ZNF385D: variants seen among roughly 807,000 people sequenced by gnomAD.
ZNF385D encodes the protein zinc finger protein 385D, also known as zinc finger protein 659.
Under a neutral mutation model 35.8 loss-of-function variants are expected in ZNF385D, and 15 were observed. That is an observed-to-expected ratio of 0.42 (90% confidence interval 0.28 to 0.64). The LOEUF (loss-of-function observed/expected upper bound fraction) is 0.64, where lower values mean the gene tolerates loss of function less well. Among genes scored for constraint, ZNF385D ranks in the 30% least tolerant of loss-of-function variants. ZNF385D has a pLI of 0.23. For missense variants in ZNF385D, 474 were observed against 494.6 expected (o/e 0.96, Z 0.39); for synonymous variants, 212 against 186.8 (o/e 1.13, Z -1.10).
chr3:21,858,616 C>T (rs1011835475), intron 3 of ZNF385D, among the ~76,000 whole-genome samples: 1 of 151,926 alleles, frequency 6.6e-6, no homozygotes, highest in Non-Finnish European at 1.5e-5. Context: ...GACACTGCAT[C>T]TGCTGGGCCC....
rs59160644 is a variant in ZNF385D at position 22,274,784 on chromosome 3, CTTT to C, written c.106+97663_106+97665del. ...GGCTTGGATTCCAACGAAGTTAGTA[CTTT>C]TTTTTTTTTTTTAAAAGTCTTCTTA... On this transcript the variant is annotated intron_variant, in intron 2 of 5. Transcript: ENST00000494108. 5.1e-3 allele frequency among the ~76,000 whole-genome samples: 750 copies of C among 145,858 alleles called. 6 individuals are homozygous for C. Among genetic ancestry groups the C allele is most frequent in the African/African-American group, 0.015 (610 of 40,328 alleles).
At chr3:21,649,932 G>A (rs2065863001) in intron 2 of ZNF385D, among the ~76,000 whole-genome samples, 1 of 151,996 alleles carries the variant, frequency 6.6e-6, no homozygotes, top group African/African-American at 2.4e-5. Context: ...ATTTATGATT[G>A]CCAGTGTCAG....
chr3:21,824,299 A>G (rs994366996), intron 3 of ZNF385D, among the ~76,000 whole-genome samples: 1 of 152,150 alleles, frequency 6.6e-6, no homozygotes, highest in African/African-American at 2.4e-5. Context: ...TTAAAAGGCT[A>G]TGTAGTAATG....
chr3:21,682,861 G>A (rs2066961727), intron 1 of ZNF385D, among the ~76,000 whole-genome samples: 1 of 149,870 alleles, frequency 6.7e-6, no homozygotes, highest in African/African-American at 2.5e-5. Flanking sequence ...AAACAAATGG[G>A]CATACCTATG....
chr3:21,869,771 T>A, intron 3 of ZNF385D, among the ~76,000 whole-genome samples: 1 of 152,132 alleles, frequency 6.6e-6, no homozygotes, highest in East Asian at 1.9e-4. Flanking sequence ...TCTTATACTA[T>A]AAGACAGAAA....
At chr3:22,266,983 T>G (rs143383072) in intron 2 of ZNF385D, among the ~76,000 whole-genome samples, 33 of 152,042 alleles carry the variant, frequency 2.2e-4, no homozygotes, top group South Asian at 8.3e-4. Flanking sequence ...TTTGATACAA[T>G]ATTCCCAATA....
rs150667085 is a variant in ZNF385D at position 22,069,003 on chromosome 3, T to C, written c.325+99814A>G. On this transcript the variant is annotated intron_variant, in intron 3 of 5. Coordinates refer to the ZNF385D transcript ENST00000494108. ...TCTCCCTTACCCTCAGCTTTAACCT[T>C]GTTTTCATGCTCAGTGTTTTACTGT... 1.8e-4 allele frequency among the ~76,000 whole-genome samples: 28 copies of C among 152,318 alleles called. No individual in the cohort carries two copies. In the East Asian group the frequency reaches 5.2e-3, roughly 28 times the overall value.
chr3:22,086,940 G>C (rs767402429), intron 3 of ZNF385D, among the ~76,000 whole-genome samples: 3 of 152,012 alleles, frequency 2.0e-5, no homozygotes, highest in Non-Finnish European at 2.9e-5. Flanking sequence ...TCGTGGGGTG[G>C]GGGGAGAGGG....
chr3:21,947,665 A>C (rs1701860344), intron 3 of ZNF385D, among the ~76,000 whole-genome samples: 1 of 152,086 alleles, frequency 6.6e-6, no homozygotes, highest in Non-Finnish European at 1.5e-5. Flanking sequence ...TTATTTTTAA[A>C]TTGGTCATTT....
At chr3:21,875,801 T>C (rs1021414619) in intron 3 of ZNF385D, among the ~76,000 whole-genome samples, 3 of 146,286 alleles carry the variant, frequency 2.1e-5, no homozygotes, top group African/African-American at 5.1e-5. Flanking sequence ...ATTCCAGCTC[T>C]ATTTGTACAG....
chr3:21,471,936 T>C (rs898326876), intron 4 of ZNF385D, among the ~76,000 whole-genome samples: 4 of 152,140 alleles, frequency 2.6e-5, no homozygotes, highest in African/African-American at 9.6e-5. Flanking sequence ...GAAAACAAAA[T>C]GCTATGTTTG....
chr3:22,292,649 G>A (rs1280138446), intron 2 of ZNF385D, among the ~76,000 whole-genome samples: 2 of 152,064 alleles, frequency 1.3e-5, no homozygotes, highest in African/African-American at 4.8e-5. Context: ...AATAGATAAG[G>A]GAAGGAATCA....
intron 2 of ZNF385D, among the ~76,000 whole-genome samples, chr3:22,218,890 T>C (rs1698065474): frequency 6.6e-6 from 1 of 152,136 alleles, no homozygotes; most frequent in Non-Finnish European, 1.5e-5. Flanking sequence ...GAGGGCTCAC[T>C]TTTTTCATTA....
Position 21,943,276 on chromosome 3 carries a change from GTGTGTGTGTGTGTGTATAGA to G in ZNF385D, c.325+225521_325+225540del, listed in dbSNP as rs922110799. Reference sequence around the variant, plus strand: ...ATATTCACTGACTCTATATTTGAATGTGTGTGTGTGTGTGTATAGATGTGTGTGTGTGTATATATATGTAT... The same window carrying G: ...ATATTCACTGACTCTATATTTGAATGTGTGTGTGTGTGTATATATATGTAT... On this transcript the variant is annotated intron_variant, in intron 3 of 5. Transcript: ENST00000494108. Among the ~76,000 whole-genome samples the G allele has an allele frequency of 2.6e-4, 38 of 145,706 alleles. No homozygotes were observed. The South Asian group carries it at 2.7e-3, about 11-fold the overall frequency.
At chr3:22,169,798 T>C (rs902594124) in intron 2 of ZNF385D, among the ~76,000 whole-genome samples, 5 of 152,130 alleles carry the variant, frequency 3.3e-5, no homozygotes, top group South Asian at 2.1e-4. Context: ...TAATATGACA[T>C]TTATTTCTTT....
At chr3:22,264,835 T>C (rs749664306) in intron 2 of ZNF385D, among the ~76,000 whole-genome samples, 1 of 148,764 alleles carries the variant, frequency 6.7e-6, no homozygotes, top group Non-Finnish European at 1.5e-5. Flanking sequence ...AAAATGAACA[T>C]TTAGATATCT....
At chr3:21,886,508 T>G (rs1698554722) in intron 3 of ZNF385D, among the ~76,000 whole-genome samples, 1 of 152,084 alleles carries the variant, frequency 6.6e-6, no homozygotes, top group Non-Finnish European at 1.5e-5. Context: ...TGACTAACTC[T>G]GTTCCTTATC....
chr3:22,115,166 C>T (rs1249918063), intron 3 of ZNF385D, among the ~76,000 whole-genome samples: 12 of 152,018 alleles, frequency 7.9e-5, no homozygotes, highest in Non-Finnish European at 1.8e-4. Context: ...CATTACAGGG[C>T]CTGACAGACA....
chr3:22,030,342 T>A (rs1697919512), intron 3 of ZNF385D, among the ~76,000 whole-genome samples: 1 of 130,370 alleles, frequency 7.7e-6, no homozygotes, highest in Non-Finnish European at 1.6e-5. Context: ...CTGACTAATA[T>A]GGTTTAATTG....
Sources: allele counts gnomAD v4.1 joint callset (sites outside exome capture counted in the v4.1 genomes callset), GRCh38; gene constraint gnomAD v4.1.1; transcripts MANE v1.5; gene names NCBI Gene and HGNC (gene_info 2026-07-23, HGNC 2026-07-21).